Variants in MYO10 observed in about 807,000 individuals in gnomAD.
The protein encoded by MYO10 is unconventional myosin-X.
Under a neutral mutation model 257.3 loss-of-function variants are expected in MYO10, and 133 were observed. That is an observed-to-expected ratio of 0.52 (90% CI 0.45 to 0.60). MYO10 has a LOEUF of 0.60. Among genes scored for constraint, MYO10 ranks in the 20% least tolerant of loss-of-function variants. The probability of loss-of-function intolerance (pLI) is 0.00; values close to 1 mark genes in which losing one functional copy is unlikely to be tolerated. For synonymous variants in MYO10, 1,104 were observed against 1,028.6 expected (o/e 1.07, Z -1.40); for missense variants, 2,399 against 2,635.7 (o/e 0.91, Z 1.97).
chr5:16,679,426 C>A (rs1476060204), intron 33 of MYO10, among the ~76,000 whole-genome samples: 1 of 152,144 alleles, frequency 6.6e-6, no homozygotes, highest in Non-Finnish European at 1.5e-5. Flanking sequence ...TCTAACACTT[C>A]CCTAGAGACA....
intron 1 of MYO10, among the ~76,000 whole-genome samples, chr5:16,880,506 T>C (rs1391293912): frequency 6.6e-6 from 1 of 152,086 alleles, no homozygotes; most frequent in Non-Finnish European, 1.5e-5. Context: ...CTATGGAGAT[T>C]CTAAGTTGTT....
At chr5:16,773,815 G>A (rs919426547) in intron 9 of MYO10, among the ~76,000 whole-genome samples, 1 of 139,968 alleles carries the variant, frequency 7.1e-6, no homozygotes, top group African/African-American at 2.6e-5. Context: ...ATGAACAAAT[G>A]TGTTTACTAT....
chr5:16,705,999 A>G (rs1490913085), intron 21 of MYO10, among the ~76,000 whole-genome samples: 1 of 152,152 alleles, frequency 6.6e-6, no homozygotes, highest in East Asian at 1.9e-4. Flanking sequence ...CCTGGCCAAC[A>G]TGGGGAAATC....
chr5:16,744,019 A>G (rs369476918), intron 19 of MYO10, among the ~76,000 whole-genome samples: 1 of 152,198 alleles, frequency 6.6e-6, no homozygotes, highest in Non-Finnish European at 1.5e-5. Context: ...AAAAAAGTCT[A>G]TTAATGTTAA....
In MYO10 at chr5:16,935,954, CCTT is replaced by C; in HGVS notation, c.-149_-147del. On this transcript the variant is annotated 5_prime_UTR_variant, in exon 1 of 41. Transcript: ENST00000513610. The stretch of plus-strand genomic sequence containing the variant: ...GCTCCCCTGCTGCCATCGCCCGGTC[CCTT>C]CTTGTCCTTCTCACCTTTTGTTCGC... 1 of 893,836 alleles carries C rather than the reference CCTT, an allele frequency of 1.1e-6. No homozygotes were observed. The highest frequency in any genetic ancestry group is 1.6e-5 in the South Asian group (1 of 62,566). 55.4% of individuals were successfully genotyped at this position (893,836 alleles called of 1,614,324 possible). A position where few individuals can be genotyped will look rare whatever the true frequency, so the allele number is the denominator to read the frequency against.
chr5:16,758,754 T>C (rs751077314), intron 17 of MYO10, among the ~76,000 whole-genome samples: 9 of 152,190 alleles, frequency 5.9e-5, no homozygotes, highest in Admixed American at 2.0e-4. Context: ...AAAATGGAGA[T>C]AATTTTTTAA....
chr5:16,757,834 T>A (rs1008752888), intron 18 of MYO10, among the ~76,000 whole-genome samples: 1 of 152,108 alleles, frequency 6.6e-6, no homozygotes, highest in African/African-American at 2.4e-5. Flanking sequence ...CCAGATAATT[T>A]CTGTATTTTT....
Position 16,683,942 on chromosome 5 carries a change from A to G in MYO10, c.3991-7T>C, listed in dbSNP as rs1482337558. 3 of 1,612,684 alleles carry G rather than the reference A, an allele frequency of 1.9e-6. No homozygotes were observed. The highest frequency in any genetic ancestry group is 1.7e-6 in the Non-Finnish European group (2 of 1,179,396). On this transcript the variant is annotated splice_region_variant and splice_polypyrimidine_tract_variant and intron_variant, in intron 29 of 40. Coordinates refer to ENST00000513610, the MANE Select transcript of MYO10 (RefSeq NM_012334.3). The stretch of plus-strand genomic sequence containing the variant: ...GCCCCACATCCAAGGTGCCCTGGAA[A>G]AGAACAAAAAGTAAACAGAATGAGA...
intron 1 of MYO10, among the ~76,000 whole-genome samples, chr5:16,896,262 C>T (rs1201086717): frequency 6.6e-6 from 1 of 152,074 alleles, no homozygotes; most frequent in Non-Finnish European, 1.5e-5. Flanking sequence ...AATTCAAGAC[C>T]AGCCTGGACA....
chr5:16,925,773 T>C (rs1465053160), intron 1 of MYO10, among the ~76,000 whole-genome samples: 1 of 152,180 alleles, frequency 6.6e-6, no homozygotes, highest in African/African-American at 2.4e-5. Flanking sequence ...AAATACCTGA[T>C]TTAAGAAATG....
chr5:16,875,035 G>T (rs576988102), intron 2 of MYO10, among the ~76,000 whole-genome samples: 101 of 152,230 alleles, frequency 6.6e-4, no homozygotes, highest in Middle Eastern at 3.4e-3. Flanking sequence ...AGACTTATTT[G>T]CTATCACAAG....
At chr5:16,808,116 T>A (rs1742331107) in intron 3 of MYO10, among the ~76,000 whole-genome samples, 1 of 152,210 alleles carries the variant, frequency 6.6e-6, no homozygotes, top group Non-Finnish European at 1.5e-5. Context: ...TAGTGCTTTA[T>A]GCCCACTATC....
In MYO10 at chr5:16,689,209, CAA is replaced by C. The variant is rs549358061; in HGVS notation, c.3896+613_3896+614del. On this transcript the variant is annotated intron_variant, in intron 28 of 40. Coordinates refer to ENST00000513610, the MANE Select transcript of MYO10 (RefSeq NM_012334.3). ...TCTACCTTGCAGGATCCAAGAGAATCAAAAGAGTTAATATTTATGAAGCATTT... is the reference window on the plus strand; with the variant it reads ...TCTACCTTGCAGGATCCAAGAGAATCAAGAGTTAATATTTATGAAGCATTT... Among the ~76,000 whole-genome samples, 70 of 152,224 alleles carry C rather than the reference CAA, an allele frequency of 4.6e-4. 1 individual carries two copies. Among genetic ancestry groups the C allele is most frequent in the Non-Finnish European group, 6.0e-4 (41 of 68,030 alleles).
chr5:16,910,030 C>A (rs1397856374), intron 1 of MYO10, among the ~76,000 whole-genome samples: 5 of 152,098 alleles, frequency 3.3e-5, no homozygotes, highest in Non-Finnish European at 7.3e-5. Context: ...GCCGCAGAAC[C>A]ATGAGCCAAA....
intron 10 of MYO10, among the ~76,000 whole-genome samples, chr5:16,767,601 T>C (rs1355855069): frequency 6.6e-6 from 1 of 152,222 alleles, no homozygotes; most frequent in Non-Finnish European, 1.5e-5. Flanking sequence ...TATTTTAGTA[T>C]GCAATGGGTT....
At chr5:16,695,869 T>C (rs1313194236) in intron 26 of MYO10, among the ~76,000 whole-genome samples, 5 of 152,208 alleles carry the variant, frequency 3.3e-5, no homozygotes, top group African/African-American at 1.2e-4. Flanking sequence ...CTCCCTCCTT[T>C]TGTCCAAGAG....
intron 19 of MYO10, chr5:16,713,297 G>A: frequency 1.0e-6 from 1 of 984,770 alleles, no homozygotes; most frequent in Non-Finnish European, 1.2e-6. Context: ...CACCAAAAGG[G>A]CCTCCCCATC....
chr5:16,694,693 G>A, intron 26 of MYO10, 79 bp from the exon 27 acceptor site: 7 of 1,562,766 alleles, frequency 4.5e-6, no homozygotes, highest in East Asian at 2.2e-5. Context: ...CATAGCAGGT[G>A]TTAAGGTCTA....
chr5:16,678,346 G>T (rs1303107045), intron 33 of MYO10, among the ~76,000 whole-genome samples: 1 of 152,102 alleles, frequency 6.6e-6, no homozygotes, highest in East Asian at 1.9e-4. Flanking sequence ...CTGGGAGGCT[G>T]AGGTAGGCAG....
Sources: gnomAD v4.1 joint callset for allele counts (sites outside exome capture counted in the v4.1 genomes callset) on GRCh38, gnomAD v4.1.1 for gene constraint, MANE v1.5 for transcripts, NCBI Gene and HGNC (gene_info 2026-07-23, HGNC 2026-07-21) for gene names.